The following KIAA2013 variants were observed in gnomAD, a reference collection of about 807,000 sequenced individuals.
KIAA2013 encodes uncharacterized protein KIAA2013.
In KIAA2013, 20 loss-of-function variants were observed where a neutral mutation model predicts 39.9. The observed-to-expected ratio is 0.50, with a 90% CI of 0.35 to 0.73. KIAA2013 has a LOEUF of 0.73. Ranked by LOEUF, KIAA2013 falls within the 30% of genes least tolerant of loss-of-function variation. KIAA2013 has a pLI of 0.01. For synonymous variants in KIAA2013, 336 were observed against 416.6 expected (o/e 0.81, Z 2.35); for missense variants, 587 against 856.1 (o/e 0.69, Z 3.92).
At position 11,925,637 on chromosome 1, in the gene KIAA2013, C is replaced by T; in HGVS notation, c.601G>A (p.Val201Ile). The T allele has an allele frequency of 6.2e-7, 1 of 1,608,932 alleles. No individual in the cohort carries two copies. Among genetic ancestry groups the T allele is most frequent in the Non-Finnish European group, 8.5e-7 (1 of 1,179,168 alleles). Residue 201 changes from valine (V) to isoleucine (I), a missense_variant, in exon 1 of 3, where the codon GTC becomes ATC. Transcript: ENST00000376572. This position sits in a 1 kb window ranked among gnomAD's most constrained non-coding sequence, Gnocchi z 5.2. Reference protein sequence around the residue: ...DFLAHRGRPHVYLQRIQLNNP... With the variant: ...DFLAHRGRPHIYLQRIQLNNP... ...TTGAGCTGGATGCGCTGCAGGTAGA[C>T]GTGGGGTCGGCCCCTGTGCGCCAGA...
Position 11,923,347 on chromosome 1 carries a change from C to A in KIAA2013, c.1176G>T (p.Ser392=), listed in dbSNP as rs751965484. 5.0e-6 allele frequency: 8 copies of A among 1,613,488 alleles called. No individual in the cohort carries two copies. The highest frequency in any genetic ancestry group is 2.7e-5 in the African/African-American group (2 of 74,910). ...AGCAGTGATCTTCATAGTTGAGCGT[C>A]GACTCCATCTGGTCTCGCTCCCTGT... The part of the protein sequence containing the change: ...LSHRERDQME[S]TLNYEDHCFS... The change falls in exon 2 of 3, where the codon TCG becomes TCT. Residue 392 remains serine, a synonymous_variant. Coordinates refer to ENST00000376572, the MANE Select transcript of KIAA2013 (RefSeq NM_138346.3). This position sits in a 1 kb window ranked among gnomAD's most constrained non-coding sequence, Gnocchi z 4.6.
chr1:11,921,298 G>A (rs1645473003), intron 2 of KIAA2013, among the ~76,000 whole-genome samples: 1 of 152,152 alleles, frequency 6.6e-6, no homozygotes, highest in Non-Finnish European at 1.5e-5. Flanking sequence ...TTGCAGCAAT[G>A]ATGGCCAAAA....
Position 11,925,280 on chromosome 1 carries a change from G to A in KIAA2013, c.958C>T (p.Leu320=). ...GCCGCTGGCATGTCCAAGAGCTCCA[G>A]CATTTCCTTCCGTGCCAAGTCCTGC... ...ALQDLARKEM[L]ELLDMPAAEL... The change falls in exon 1 of 3, where the codon CTG becomes TTG. Residue 320 remains leucine, a synonymous_variant. Coordinates refer to ENST00000376572, the MANE Select transcript of KIAA2013 (RefSeq NM_138346.3). The surrounding 1 kb of genome is among the most constrained non-coding windows in gnomAD (Gnocchi z 5.2). The A allele has an allele frequency of 1.2e-6, 2 of 1,613,038 alleles. No individual in the cohort carries two copies. Among genetic ancestry groups the A allele is most frequent in the Non-Finnish European group, 1.7e-6 (2 of 1,179,532 alleles).
At position 11,919,807 on chromosome 1, in the gene KIAA2013, G is replaced by C. The variant is rs992352189; in HGVS notation, c.*508C>G. Reference sequence around the variant, plus strand: ...AGGCAGCAGCACAGCCACCCTGGGGGGCCCCGGCCCAGCCTCGGGACCGTG... The same window carrying C: ...AGGCAGCAGCACAGCCACCCTGGGGCGCCCCGGCCCAGCCTCGGGACCGTG... On this transcript the variant is annotated 3_prime_UTR_variant, in exon 3 of 3. Transcript: ENST00000376572. 3 of 177,988 alleles carry C rather than the reference G, an allele frequency of 1.7e-5. No individual in the cohort carries two copies. The highest frequency in any genetic ancestry group is 7.2e-5 in the African/African-American group (3 of 41,594). The allele number at this position is 177,988 out of a possible 1,614,324, so 11.0% of individuals were successfully genotyped here. A position where few individuals can be genotyped will look rare whatever the true frequency, so the allele number is the denominator to read the frequency against.
Position 11,926,006 on chromosome 1 carries a change from C to G in KIAA2013, c.232G>C (p.Glu78Gln). ...AATRAWRGLR[E>Q]RGEVVPLGPG... ...CCCAGCGGTACCACCTCACCGCGCT[C>G]CCGCAGGCCGCGCCAGGCGCGGGTG... Residue 78 changes from glutamate (E) to glutamine (Q), a missense_variant, in exon 1 of 3, where the codon GAG (glutamate) becomes CAG (glutamine). By Grantham distance (29) the Glu-to-Gln change is conservative (BLOSUM62 2). Coordinates refer to ENST00000376572, the MANE Select transcript of KIAA2013 (RefSeq NM_138346.3). 1 of 1,508,640 alleles carries G rather than the reference C, an allele frequency of 6.6e-7. No homozygotes were observed. The highest frequency in any genetic ancestry group is 1.2e-5 in the South Asian group (1 of 81,218). 93.5% of individuals were successfully genotyped at this position (1,508,640 alleles called of 1,614,324 possible).
rs546313864 is a variant in KIAA2013 at position 11,925,386 on chromosome 1, C to G, written c.852G>C (p.Thr284=). Residue 284 remains threonine, a synonymous_variant, in exon 1 of 3, where the codon ACG becomes ACC. Transcript: ENST00000376572. The surrounding 1 kb of genome is among the most constrained non-coding windows in gnomAD (Gnocchi z 5.2). ...CAGAGACGTGCACCACCCACAGCAC[C>G]GTCTCATCCAGCTGCGTCTTGGGAG... ...QVAPKTQLDE[T]VLWVVHVSGP... 1,359 of 1,613,904 alleles carry G rather than the reference C, an allele frequency of 8.4e-4. 23 individuals are homozygous for G. In the South Asian group the frequency reaches 0.014, roughly 17 times the overall value.
At chr1:11,920,409 G>A in intron 2 of KIAA2013, 77 bp from the exon 3 acceptor site, 1 of 1,468,482 alleles carries the variant, frequency 6.8e-7, no homozygotes, top group East Asian at 2.3e-5. Context: ...AGGCTACGGA[G>A]ACAACCCTAG....
intron 2 of KIAA2013, 87 bp downstream of exon 2, chr1:11,922,549 C>T (rs1353844814): frequency 1.9e-6 from 3 of 1,564,372 alleles, no homozygotes; most frequent in East Asian, 2.4e-5. Context: ...CAGGCCTCAC[C>T]CCCCCTCGCC....
chr1:11,925,124 C>T lies in KIAA2013; in HGVS notation c.1033+81G>A. The T allele has an allele frequency of 7.4e-7, 1 of 1,344,356 alleles. No homozygotes were observed. The highest frequency in any genetic ancestry group is 1.0e-6 in the Non-Finnish European group (1 of 992,462). 83.3% of individuals were successfully genotyped at this position (1,344,356 alleles called of 1,614,324 possible). ...AAACGCCAAGCCCAAGTTTCAACCA[C>T]CCCACCATCACCTTCAGTGTCACCT... On this transcript the variant is annotated intron_variant, in intron 1 of 2. Transcript: ENST00000376572. This position sits in a 1 kb window ranked among gnomAD's most constrained non-coding sequence, Gnocchi z 5.2.
Position 11,923,348 on chromosome 1 carries a change from G to A in KIAA2013, c.1175C>T (p.Ser392Leu), listed in dbSNP as rs757625743. 3.1e-6 allele frequency: 5 copies of A among 1,613,540 alleles called. No homozygotes were observed. The highest frequency in any genetic ancestry group is 1.7e-5 in the Admixed American group (1 of 60,032). ...GCAGTGATCTTCATAGTTGAGCGTCGACTCCATCTGGTCTCGCTCCCTGTG... is the reference window on the plus strand; with the variant it reads ...GCAGTGATCTTCATAGTTGAGCGTCAACTCCATCTGGTCTCGCTCCCTGTG... The part of the protein sequence containing the change: ...LSHRERDQME[S>L]TLNYEDHCFS... The change falls in exon 2 of 3, where the codon TCG becomes TTG. Residue 392 changes from serine (S) to leucine (L), a missense_variant. Coordinates refer to ENST00000376572, the MANE Select transcript of KIAA2013 (RefSeq NM_138346.3). This position sits in a 1 kb window ranked among gnomAD's most constrained non-coding sequence, Gnocchi z 4.6.
rs17853380 is a variant in KIAA2013 at position 11,925,941 on chromosome 1, G to T, written c.297C>A (p.Ala99=). The part of the protein sequence containing the change: ...VPALVANGFL[A]LDVAANRLWV... ...ACAGCCGATTGGCAGCCACGTCCAG[G>T]GCCAGGAAGCCGTTGGCCACCAGGG... The change falls in exon 1 of 3, where the codon GCC becomes GCA. Residue 99 remains alanine, a synonymous_variant. Coordinates refer to ENST00000376572, the MANE Select transcript of KIAA2013 (RefSeq NM_138346.3). This position sits in a 1 kb window ranked among gnomAD's most constrained non-coding sequence, Gnocchi z 5.2. The T allele has an allele frequency of 2.0e-6, 3 of 1,536,608 alleles. No homozygotes were observed. Among genetic ancestry groups the T allele is most frequent in the Non-Finnish European group, 2.6e-6 (3 of 1,149,116 alleles).
Position 11,926,112 on chromosome 1 carries a change from C to T in KIAA2013, c.126G>A (p.Arg42=), listed in dbSNP as rs1354390092. 5 of 1,402,002 alleles carry T rather than the reference C, an allele frequency of 3.6e-6. No homozygotes were observed. Among genetic ancestry groups the T allele is most frequent in the Non-Finnish European group, 4.7e-6 (5 of 1,072,266 alleles). The allele number at this position is 1,402,002 out of a possible 1,614,324, so 86.8% of individuals were successfully genotyped here. The stretch of plus-strand genomic sequence containing the variant: ...GCAGCAGGTGCAGGCCGCCCGCCGC[C>T]CGCCGCGCGCCGGACCCCCCAAACC... ...LLWFGGSGAR[R]AAGGLHLLPW... The change falls in exon 1 of 3, where the codon CGG becomes CGA. Residue 42 remains arginine (R), a synonymous_variant. Transcript: ENST00000376572.
chr1:11,924,319 G>A (rs1264393430), intron 1 of KIAA2013, among the ~76,000 whole-genome samples: 1 of 140,914 alleles, frequency 7.1e-6, no homozygotes, highest in Non-Finnish European at 1.6e-5. Flanking sequence ...TTGAACTCCT[G>A]ACCTCAGGTG....
In KIAA2013 at chr1:11,925,809, C is replaced by T. The variant is rs369950076; in HGVS notation, c.429G>A (p.Leu143=). 1 of 1,540,674 alleles carries T rather than the reference C, an allele frequency of 6.5e-7. No homozygotes were observed. Residue 143 remains leucine (L), a synonymous_variant, in exon 1 of 3, where the codon CTG becomes CTA. Coordinates refer to ENST00000376572, the MANE Select transcript of KIAA2013 (RefSeq NM_138346.3). The surrounding 1 kb of genome is among the most constrained non-coding windows in gnomAD (Gnocchi z 5.2). ...CGCGGCGCAGAAGCCCCTCCCGCAG[C>T]AGCAGCACCGCCTCTCCAGCTTCAG... The part of the protein sequence containing the change: ...ALAEAGEAVL[L]LREGLLRRVR...
In KIAA2013 at chr1:11,923,509, G is replaced by C. The variant is rs759556725; in HGVS notation, c.1034-20C>G. ...CCACTCCTGCAACACCATGAAAGCG[G>C]CATGTTAAGGGGGAAGGACAGCTGG... On this transcript the variant is annotated intron_variant, in intron 1 of 2. Transcript: ENST00000376572. This position sits in a 1 kb window ranked among gnomAD's most constrained non-coding sequence, Gnocchi z 4.6. 7 of 1,600,514 alleles carry C rather than the reference G, an allele frequency of 4.4e-6. No homozygotes were observed. The African/African-American group carries it at 8.0e-5, about 18-fold the overall frequency.
chr1:11,925,352 T>C lies in KIAA2013; in HGVS notation c.886A>G (p.Asn296Asp). 6.2e-7 allele frequency: 1 copy of C among 1,613,956 alleles called. No individual in the cohort carries two copies. The change falls in exon 1 of 3, where the codon AAC becomes GAC. Residue 296 changes from asparagine (N) to aspartate (D), a missense_variant. Physicochemically the swap from Asn to Asp is conservative, Grantham distance 23. Transcript: ENST00000376572. The surrounding 1 kb of genome is among the most constrained non-coding windows in gnomAD (Gnocchi z 5.2). ...GCTTTGCTTTTGAGCACCTGGGGGTTAATGGGGCCAGAGACGTGCACCACC... is the reference window on the plus strand; with the variant it reads ...GCTTTGCTTTTGAGCACCTGGGGGTCAATGGGGCCAGAGACGTGCACCACC... ...LWVVHVSGPI[N>D]PQVLKSKAAK...
At chr1:11,921,819 G>A (rs1645476223) in intron 2 of KIAA2013, among the ~76,000 whole-genome samples, 1 of 151,700 alleles carries the variant, frequency 6.6e-6, no homozygotes, top group Non-Finnish European at 1.5e-5. Flanking sequence ...CAAAGTACTG[G>A]GATTATAGGC....
chr1:11,920,688 C>A (rs1206652717), intron 2 of KIAA2013, among the ~76,000 whole-genome samples: 1 of 152,228 alleles, frequency 6.6e-6, no homozygotes, highest in Non-Finnish European at 1.5e-5. Context: ...CGGCAAAACC[C>A]ACACGATGCA....
chr1:11,926,424 C>T lies in KIAA2013; in HGVS notation c.-187G>A, dbSNP rs1017021250. On this transcript the variant is annotated 5_prime_UTR_variant, in exon 1 of 3. Coordinates refer to ENST00000376572, the MANE Select transcript of KIAA2013 (RefSeq NM_138346.3). ...TTCTCGGTGGCCTCCAGCCGTCAAA[C>T]GACGCCGGCGGTCAAGCGTCGCCGT... 1.9e-5 allele frequency: 3 copies of T among 155,444 alleles called. No homozygotes were observed. Among genetic ancestry groups the T allele is most frequent in the Non-Finnish European group, 4.2e-5 (3 of 71,434 alleles). The allele number at this position is 155,444 out of a possible 1,614,324, so 9.6% of individuals were successfully genotyped here. A position where few individuals can be genotyped will look rare whatever the true frequency, so the allele number is the denominator to read the frequency against.
Sources: gnomAD v4.1 joint callset for allele counts (sites outside exome capture counted in the v4.1 genomes callset) on GRCh38, gnomAD v4.1.1 for gene constraint, Gnocchi (gnomAD v3.1) non-coding constraint, MANE v1.5 for transcripts, NCBI Gene and HGNC (gene_info 2026-07-23, HGNC 2026-07-21) for gene names.